The following PHACTR3 variants were observed in gnomAD, a reference collection of about 807,000 sequenced individuals.
PHACTR3 encodes the protein protein phosphatase 1, regulatory subunit 123.
PHACTR3 carries 16 observed loss-of-function variants against 66.8 expected under a neutral mutation model. The observed-to-expected ratio is 0.24, with a 90% CI of 0.16 to 0.36. The LOEUF (loss-of-function observed/expected upper bound fraction) is 0.36. Ranked by LOEUF, PHACTR3 falls within the 10% of genes least tolerant of loss-of-function variation. The probability of loss-of-function intolerance (pLI) is 1.00; values close to 1 mark genes in which losing one functional copy is unlikely to be tolerated. For missense variants in PHACTR3, 647 were observed against 719.9 expected, an observed-to-expected ratio of 0.90 and a Z score of 1.16; for synonymous variants, 323 against 292.1, an observed-to-expected ratio of 1.11 and a Z score of -1.08.
chr20:59,613,279 G>A (rs990609293), intron 1 of PHACTR3, among the ~76,000 whole-genome samples: 15 of 152,320 alleles, frequency 9.8e-5, no homozygotes, highest in African/African-American at 3.1e-4. Flanking sequence ...GCATGATGGC[G>A]TCCCTGTCGT....
chr20:59,612,401 C>T (rs1428548186), intron 1 of PHACTR3, among the ~76,000 whole-genome samples: 1 of 151,646 alleles, frequency 6.6e-6, no homozygotes, highest in African/African-American at 2.4e-5. Flanking sequence ...CACTCTGTCG[C>T]CCAGGCTGGA....
At chr20:59,600,201 T>C (rs2033435808), upstream of PHACTR3, among the ~76,000 whole-genome samples, 1 of 152,184 alleles carries the variant, frequency 6.6e-6, no homozygotes, top group Non-Finnish European at 1.5e-5. Context: ...CCCTTGCACT[T>C]CCAGAGCATC....
At chr20:59,584,636 G>A (rs544496837) in intron 1 of PHACTR3, among the ~76,000 whole-genome samples, 2 of 152,250 alleles carry the variant, frequency 1.3e-5, no homozygotes, top group East Asian at 3.9e-4. Flanking sequence ...GCCCTGCTCT[G>A]ACCAGAGGCT....
chr20:59,763,720 C>T (rs2040081123), intron 4 of PHACTR3, among the ~76,000 whole-genome samples: 2 of 152,312 alleles, frequency 1.3e-5, no homozygotes, highest in Admixed American at 1.3e-4. Context: ...GGACCTAGGC[C>T]TTCATCCTGG....
intron 1 of PHACTR3, among the ~76,000 whole-genome samples, chr20:59,579,069 C>T (rs1204293599): frequency 2.0e-5 from 3 of 152,154 alleles, no homozygotes; most frequent in African/African-American, 7.2e-5. Context: ...CCTAAAGCAC[C>T]CCTGTTTTTG....
chr20:59,685,449 G>T (rs1008209399), intron 1 of PHACTR3, among the ~76,000 whole-genome samples: 1 of 152,178 alleles, frequency 6.6e-6, no homozygotes, highest in Non-Finnish European at 1.5e-5. Flanking sequence ...TTCCTCATCT[G>T]TAAGATGGTG....
chr20:59,754,082 T>A (rs1161908747), intron 3 of PHACTR3, among the ~76,000 whole-genome samples: 1 of 152,228 alleles, frequency 6.6e-6, no homozygotes, highest in Non-Finnish European at 1.5e-5. Context: ...CCTGCAGGGC[T>A]ATGTGGAGGC....
At chr20:59,654,300 A>G (rs765957116) in intron 1 of PHACTR3, among the ~76,000 whole-genome samples, 1 of 152,186 alleles carries the variant, frequency 6.6e-6, no homozygotes, top group Non-Finnish European at 1.5e-5. Context: ...TGATGATTGA[A>G]CGTCTTCTTT....
intron 1 of PHACTR3, among the ~76,000 whole-genome samples, chr20:59,674,863 CCTTCTCCTGTCCCCCG>C (rs1296613250): frequency 3.4e-4 from 36 of 106,052 alleles, no homozygotes; most frequent in African/African-American, 1.6e-3. Flanking sequence ...TCCTGTTGCC[CCTTCTCCTGTCCCCCG>C]CTTCTCCTGT....
At chr20:59,755,695 G>A (rs1000367513) in intron 4 of PHACTR3, among the ~76,000 whole-genome samples, 1 of 152,222 alleles carries the variant, frequency 6.6e-6, no homozygotes, top group Non-Finnish European at 1.5e-5. Context: ...TCTCTGGAGG[G>A]GCAAGTGCCC....
At chr20:59,802,388 A>G (rs2041439056) in intron 7 of PHACTR3, among the ~76,000 whole-genome samples, 1 of 152,224 alleles carries the variant, frequency 6.6e-6, no homozygotes, top group Admixed American at 6.5e-5. Context: ...CTGAGACATA[A>G]TCATTGAGGC....
At chr20:59,754,479 G>A (rs1412242679) in intron 3 of PHACTR3, among the ~76,000 whole-genome samples, 1 of 152,216 alleles carries the variant, frequency 6.6e-6, no homozygotes, top group East Asian at 1.9e-4. Flanking sequence ...TGGGGGCAAG[G>A]ACTGTATCTT....
At chr20:59,740,435 A>G (rs888933966) in intron 1 of PHACTR3, among the ~76,000 whole-genome samples, 2 of 152,108 alleles carry the variant, frequency 1.3e-5, no homozygotes, top group East Asian at 3.9e-4. Flanking sequence ...CCGACTCTTA[A>G]GTAGCATGCA....
chr20:59,580,081 C>G (rs1344047763), intron 1 of PHACTR3, among the ~76,000 whole-genome samples: 1 of 152,110 alleles, frequency 6.6e-6, no homozygotes, highest in Non-Finnish European at 1.5e-5. Context: ...AGGCTCCAAT[C>G]TGAGATTCAT....
intron 1 of PHACTR3, among the ~76,000 whole-genome samples, chr20:59,658,307 A>T (rs933932775): frequency 6.6e-6 from 1 of 151,592 alleles, no homozygotes; most frequent in Non-Finnish European, 1.5e-5. Flanking sequence ...GGGCCCTTTC[A>T]TAGGCAGCTT....
chr20:59,621,539 T>G (rs1192696956), intron 1 of PHACTR3, among the ~76,000 whole-genome samples: 1 of 152,228 alleles, frequency 6.6e-6, no homozygotes, highest in Non-Finnish European at 1.5e-5. Context: ...CATGATAAGA[T>G]CTTTGCCTCC....
At chr20:59,649,593 A>G (rs1249313176) in intron 1 of PHACTR3, among the ~76,000 whole-genome samples, 1 of 152,214 alleles carries the variant, frequency 6.6e-6, no homozygotes, top group Admixed American at 6.5e-5. Context: ...ACTATCAAAA[A>G]TCATTCTGTT....
chr20:59,783,978 G>T (rs6027100), intron 7 of PHACTR3, among the ~76,000 whole-genome samples: 2 of 152,270 alleles, frequency 1.3e-5, no homozygotes, highest in African/African-American at 4.8e-5. Context: ...CAAGGGTGAA[G>T]GTCAATCTTG....
chr20:59,601,982 A>T (rs538803743), upstream of PHACTR3, among the ~76,000 whole-genome samples: 25 of 152,330 alleles, frequency 1.6e-4, no homozygotes, highest in Admixed American at 3.3e-4. Flanking sequence ...GCTGCTGTGT[A>T]GACCATCTGA....
Sources: gnomAD v4.1 joint callset for allele counts (sites outside exome capture counted in the v4.1 genomes callset) on GRCh38, gnomAD v4.1.1 for gene constraint, MANE v1.5 for transcripts, NCBI Gene and HGNC (gene_info 2026-07-23, HGNC 2026-07-21) for gene names.